Variants in ATP2B2 observed in about 807,000 individuals in gnomAD.
ATP2B2 encodes the protein plasma membrane calcium-transporting ATPase 2.
A neutral mutation model predicts 120.0 loss-of-function variants in ATP2B2; 15 were observed. The ratio of observed to expected loss-of-function variants is 0.12; its 90% CI spans 0.08 to 0.19. The LOEUF is 0.19. Ranked by LOEUF, ATP2B2 falls within the 10% of genes least tolerant of loss-of-function variation. ATP2B2 has a pLI of 1.00. For synonymous variants in ATP2B2, 694 were observed against 700.3 expected (o/e 0.99, Z 0.14); for missense variants, 1,045 against 1,719.8 (o/e 0.61, Z 6.94).
intron 2 of ATP2B2, among the ~76,000 whole-genome samples, chr3:10,608,734 A>C (rs1386348234): frequency 6.6e-6 from 1 of 152,202 alleles, no homozygotes; most frequent in Non-Finnish European, 1.5e-5. Flanking sequence ...CTGAGGCCCC[A>C]CTGGCCTCTT....
chr3:10,460,210 C>T (rs2064430652), intron 1 of ATP2B2, among the ~76,000 whole-genome samples: 1 of 152,208 alleles, frequency 6.6e-6, no homozygotes, highest in South Asian at 2.1e-4. Flanking sequence ...CCTCTCTCCC[C>T]AGCAGGTTGA....
intron 2 of ATP2B2, among the ~76,000 whole-genome samples, chr3:10,536,096 G>A (rs1176125977): frequency 1.3e-5 from 2 of 151,914 alleles, no homozygotes; most frequent in Non-Finnish European, 2.9e-5. Flanking sequence ...ATCTAATTGA[G>A]GGTTTATTTT....
intron 2 of ATP2B2, among the ~76,000 whole-genome samples, chr3:10,446,295 AT>A (rs2063834864): frequency 6.6e-6 from 1 of 152,212 alleles, no homozygotes; most frequent in Admixed American, 6.5e-5. Flanking sequence ...AAGAGCTGAC[AT>A]TTATTGAGCA....
intron 2 of ATP2B2, among the ~76,000 whole-genome samples, chr3:10,559,613 C>T (rs1364088355): frequency 6.6e-6 from 1 of 152,104 alleles, no homozygotes; most frequent in East Asian, 1.9e-4. Flanking sequence ...GAGAGATGTG[C>T]TCAAGGTCAC....
At chr3:10,518,400 C>T (rs56221327) in intron 3 of ATP2B2, among the ~76,000 whole-genome samples, 16,309 of 152,048 alleles carry the variant, frequency 0.11, 1,370 homozygotes, top group African/African-American at 0.23. Context: ...AGCTTGGAGG[C>T]TTGATCCGAT....
At chr3:10,348,999 C>A (rs926159970) in intron 16 of ATP2B2, among the ~76,000 whole-genome samples, 1 of 152,260 alleles carries the variant, frequency 6.6e-6, no homozygotes, top group Admixed American at 6.5e-5. Context: ...TGTCCTTGGG[C>A]AGCACCTTTG....
At chr3:10,373,461 C>T (rs1016884713) in intron 11 of ATP2B2, among the ~76,000 whole-genome samples, 6 of 152,182 alleles carry the variant, frequency 3.9e-5, no homozygotes, top group African/African-American at 1.2e-4. Context: ...ATTGTGACTA[C>T]ACCTATAGGG....
At chr3:10,503,075 T>C (rs1273830837) in intron 1 of ATP2B2, among the ~76,000 whole-genome samples, 1 of 152,234 alleles carries the variant, frequency 6.6e-6, no homozygotes, top group Non-Finnish European at 1.5e-5. Flanking sequence ...TTGGGTCCCC[T>C]GACCCATACC....
intron 2 of ATP2B2, among the ~76,000 whole-genome samples, chr3:10,553,591 C>T (rs2067713799): frequency 2.0e-5 from 3 of 152,314 alleles, no homozygotes; most frequent in Admixed American, 6.5e-5. Context: ...CTTATTTAGT[C>T]TGATCCCCAT....
chr3:10,369,429 C>T (rs1457762501), intron 12 of ATP2B2, among the ~76,000 whole-genome samples: 2 of 152,140 alleles, frequency 1.3e-5, no homozygotes, highest in African/African-American at 4.8e-5. Flanking sequence ...GTATCTATGA[C>T]CAAAAACCTA....
intron 2 of ATP2B2, among the ~76,000 whole-genome samples, chr3:10,605,808 C>T (rs1408817642): frequency 6.6e-6 from 1 of 152,140 alleles, no homozygotes; most frequent in Non-Finnish European, 1.5e-5. Flanking sequence ...ATCACCATGC[C>T]TAGCTAATTT....
intron 3 of ATP2B2, among the ~76,000 whole-genome samples, chr3:10,513,839 G>A (rs536261103): frequency 6.6e-6 from 1 of 152,150 alleles, no homozygotes; most frequent in Non-Finnish European, 1.5e-5. Flanking sequence ...CCCTCCAGGG[G>A]CTGGGAAGTT....
At chr3:10,515,231 T>C (rs1034696536) in intron 3 of ATP2B2, among the ~76,000 whole-genome samples, 1 of 152,126 alleles carries the variant, frequency 6.6e-6, no homozygotes, top group African/African-American at 2.4e-5. Flanking sequence ...GGGCTAACAA[T>C]ACCTGCAATT....
chr3:10,333,030 C>G (rs2060022858), intron 22 of ATP2B2, among the ~76,000 whole-genome samples: 1 of 152,198 alleles, frequency 6.6e-6, no homozygotes, highest in South Asian at 2.1e-4. Context: ...TGACTGCGGT[C>G]AGGCTTACCA....
intron 1 of ATP2B2, among the ~76,000 whole-genome samples, chr3:10,497,537 T>C (rs978126136): frequency 6.6e-6 from 1 of 152,244 alleles, no homozygotes; most frequent in African/African-American, 2.4e-5. Context: ...CCAAGGGCTG[T>C]CCTAAGCACT....
At chr3:10,605,349 T>C (rs1024163161) in intron 2 of ATP2B2, among the ~76,000 whole-genome samples, 3 of 152,220 alleles carry the variant, frequency 2.0e-5, no homozygotes, top group Non-Finnish European at 4.4e-5. Context: ...ATTCTACATA[T>C]GGAAAGACTG....
intron 1 of ATP2B2, among the ~76,000 whole-genome samples, chr3:10,644,319 G>C (rs1252047388): frequency 6.6e-6 from 1 of 152,154 alleles, no homozygotes; most frequent in African/African-American, 2.4e-5. Context: ...GGTGGGAATA[G>C]AAAATGGTAG....
rs2070002172 is a variant in ATP2B2 at position 10,635,638 on chromosome 3, C to T, written c.-459-15677G>A. Among the ~76,000 whole-genome samples the T allele has an allele frequency of 6.6e-6, 1 of 152,180 alleles. No individual in the cohort carries two copies. Among genetic ancestry groups the T allele is most frequent in the Non-Finnish European group, 1.5e-5 (1 of 68,034 alleles). ...GCCCTAGTGGAAAATTCCACTAGCA[C>T]CTCCCAGGTAGCATTTTGCACGCGA... On this transcript the variant is annotated intron_variant, in intron 1 of 21. Coordinates refer to the ATP2B2 transcript ENST00000646379. The surrounding 1 kb of genome is among the most constrained non-coding windows in gnomAD (Gnocchi z 4.3).
At chr3:10,377,317 G>A (rs1353523898) in intron 10 of ATP2B2, among the ~76,000 whole-genome samples, 1 of 152,142 alleles carries the variant, frequency 6.6e-6, no homozygotes, top group Non-Finnish European at 1.5e-5. Context: ...CTGTCTGACA[G>A]TCGGAGGGGC....
Sources: allele counts gnomAD v4.1 joint callset (sites outside exome capture counted in the v4.1 genomes callset), GRCh38; gene constraint gnomAD v4.1.1; non-coding constraint Gnocchi (gnomAD v3.1); transcripts MANE v1.5; gene names NCBI Gene and HGNC (gene_info 2026-07-23, HGNC 2026-07-21).